The following TDRD12 variants were observed in gnomAD, a reference collection of about 807,000 sequenced individuals.
TDRD12 encodes the protein tudor domain containing 12, also known as putative ATP-dependent RNA helicase TDRD12.
Under a neutral mutation model 133.5 loss-of-function variants are expected in TDRD12, and 158 were observed. The ratio of observed to expected loss-of-function variants is 1.18; its 90% CI spans 1.04 to 1.35. The LOEUF (loss-of-function observed/expected upper bound fraction) is 1.35. Ranked by LOEUF, TDRD12 falls within the 40% of genes most tolerant of loss-of-function variation. The pLI is 0.00. For missense variants in TDRD12, 1,443 were observed against 1,321.3 expected (o/e 1.09, Z -1.43); for synonymous variants, 460 against 477.9 (o/e 0.96, Z 0.49).
intron 26 of TDRD12, 128 bp downstream of exon 26, chr19:32,815,748 C>A: frequency 4.4e-6 from 4 of 916,900 alleles, no homozygotes; most frequent in Non-Finnish European, 6.3e-6. Flanking sequence ...GTAATCCCAG[C>A]ACTTTGGGAG....
At chr19:32,719,932 C>T (rs913866525) in exon 1 of TDRD12, 2 of 1,081,154 alleles carry the variant, frequency 1.8e-6, no homozygotes, top group Non-Finnish European at 2.7e-6. Flanking sequence ...GCACCTGCCG[C>T]GGGGGGCCCA....
chr19:32,819,742 G>A (rs1023646538), intron 27 of TDRD12, among the ~76,000 whole-genome samples: 4 of 152,224 alleles, frequency 2.6e-5, no homozygotes, highest in Non-Finnish European at 5.9e-5. Context: ...GAGAGGGAAT[G>A]GCGAGAATAT....
chr19:32,744,199 G>GT (rs1969521260), intron 4 of TDRD12, among the ~76,000 whole-genome samples: 1 of 151,678 alleles, frequency 6.6e-6, no homozygotes, highest in Admixed American at 6.6e-5. Flanking sequence ...GTACAGTCCC[G>GT]TAAGTATATG....
chr19:32,723,667 CA>C (rs11417872), intron 1 of TDRD12, among the ~76,000 whole-genome samples: 3,799 of 98,428 alleles, frequency 0.039, 70 homozygotes, highest in South Asian at 0.082. Flanking sequence ...CTGAGTCTAC[CA>C]AAAAAAAAAA....
chr19:32,737,101 C>T (rs1027103172), intron 2 of TDRD12, among the ~76,000 whole-genome samples: 1 of 152,080 alleles, frequency 6.6e-6, no homozygotes, highest in African/African-American at 2.4e-5. Context: ...GAATACTGCA[C>T]ATTATGTAAA....
In TDRD12 at chr19:32,760,049, T is replaced by G. The variant is rs1970108316; in HGVS notation, c.865+2919T>G. 3.9e-5 allele frequency among the ~76,000 whole-genome samples: 6 copies of G among 152,386 alleles called. No individual in the cohort carries two copies. The South Asian group carries it at 1.2e-3, about 32-fold the overall frequency. On this transcript the variant is annotated intron_variant, in intron 8 of 27. Transcript: ENST00000444215. ...ACCTGTTGTTGATGGGCATGTATTC[T>G]TTCCATTTATATTCTTTTTCCATTG... is the stretch of plus-strand genomic sequence containing the variant.
At chr19:32,814,277 C>T (rs921441755) in intron 25 of TDRD12, among the ~76,000 whole-genome samples, 1 of 152,128 alleles carries the variant, frequency 6.6e-6, no homozygotes, top group Non-Finnish European at 1.5e-5. Context: ...CACGGGCCTC[C>T]GTGTCTCTCC....
At chr19:32,824,949 C>A (rs745576793), downstream of TDRD12, among the ~76,000 whole-genome samples, 1 of 152,208 alleles carries the variant, frequency 6.6e-6, no homozygotes, top group South Asian at 2.1e-4. Flanking sequence ...TGGCCGCTTG[C>A]TCCCAGAAGC....
intron 20 of TDRD12, 26 bp downstream of exon 20, chr19:32,802,815 A>G (rs1568487568): frequency 5.9e-6 from 9 of 1,536,148 alleles, no homozygotes; most frequent in Non-Finnish European, 6.1e-6. Flanking sequence ...ATTCTCTTCC[A>G]TATTCCACTG....
At chr19:32,762,698 T>C (rs977817430) in intron 8 of TDRD12, among the ~76,000 whole-genome samples, 4 of 152,276 alleles carry the variant, frequency 2.6e-5, no homozygotes, top group Non-Finnish European at 2.9e-5. Context: ...TCTGATTTAG[T>C]TGGAGATGAA....
chr19:32,772,751 A>G lies in TDRD12; in HGVS notation c.866-2A>G. 6.7e-7 allele frequency: 1 copy of G among 1,489,832 alleles called. No homozygotes were observed. 92.3% of individuals were successfully genotyped at this position (1,489,832 alleles called of 1,614,324 possible). A position where few individuals can be genotyped will look rare whatever the true frequency, so the allele number is the denominator to read the frequency against. ...TTTTTTATTACCATTTTTATTTTGC[A>G]GACAAAGCTGTAAAATGTAATATGG... On this transcript the variant is annotated splice_acceptor_variant, in intron 8 of 27. Coordinates refer to ENST00000444215, the Ensembl canonical transcript of TDRD12. LOFTEE classifies it high-confidence loss of function.
rs779840370 is a variant in TDRD12 at position 32,770,685 on chromosome 19, G to A, written c.866-2068G>A. On this transcript the variant is annotated intron_variant, in intron 8 of 27. Transcript: ENST00000444215. ...TCTTTATTAGCTGAAATAAACATGG[G>A]CAAGTTATTTCACCTTTCTGTGCTT... Among the ~76,000 whole-genome samples, 166 of 152,224 alleles carry A rather than the reference G, an allele frequency of 1.1e-3. 2 individuals carry two copies. Among genetic ancestry groups the A allele is most frequent in the Admixed American group, 3.7e-3 (57 of 15,292 alleles).
chr19:32,724,149 C>T (rs1360475620), intron 1 of TDRD12, among the ~76,000 whole-genome samples: 1 of 152,180 alleles, frequency 6.6e-6, no homozygotes, highest in Non-Finnish European at 1.5e-5. Flanking sequence ...GAATGAGCCA[C>T]CACTCCCAGC....
At chr19:32,795,264 C>T (rs904297528) in intron 14 of TDRD12, among the ~76,000 whole-genome samples, 11 of 145,546 alleles carry the variant, frequency 7.6e-5, no homozygotes, top group Admixed American at 2.9e-4. Context: ...ACCTGGGAGG[C>T]GAAGGTTGCA....
intron 4 of TDRD12, among the ~76,000 whole-genome samples, chr19:32,743,403 C>T (rs891691134): frequency 1.3e-5 from 2 of 150,870 alleles, no homozygotes; most frequent in Non-Finnish European, 3.0e-5. Context: ...CCGCTCTCCT[C>T]CCCTGCTCCC....
downstream of TDRD12, among the ~76,000 whole-genome samples, chr19:32,822,064 TG>T (rs1193720837): frequency 6.6e-6 from 1 of 152,122 alleles, no homozygotes; most frequent in African/African-American, 2.4e-5. Flanking sequence ...GAGGTTGCAG[TG>T]AGCCAAGATC....
rs1021920436 is a variant in TDRD12 at position 32,757,006 on chromosome 19, G to A, written c.773-32G>A. On this transcript the variant is annotated intron_variant, in intron 7 of 27. Transcript: ENST00000444215. Reference sequence around the variant, plus strand: ...ATTTTTATTTTGGGCTTTATTTCATGCTTTAATTCTGAAATTTATTCTTTC... The same window carrying A: ...ATTTTTATTTTGGGCTTTATTTCATACTTTAATTCTGAAATTTATTCTTTC... 17 of 1,514,644 alleles carry A rather than the reference G, an allele frequency of 1.1e-5. No homozygotes were observed. The Admixed American group carries it at 2.9e-4, about 26-fold the overall frequency. 93.8% of individuals were successfully genotyped at this position (1,514,644 alleles called of 1,614,324 possible).
chr19:32,811,076 T>A lies in TDRD12; in HGVS notation c.2838-134T>A. The A allele has an allele frequency of 8.8e-6, 6 of 680,396 alleles. No individual in the cohort carries two copies. In the South Asian group the frequency reaches 1.3e-4, roughly 15 times the overall value. The allele number at this position is 680,396 out of a possible 1,614,324, so 42.1% of individuals were successfully genotyped here. A position where few individuals can be genotyped will look rare whatever the true frequency, so the allele number is the denominator to read the frequency against. ...CACTTGAATTTTTGAAGGCCTTAGT[T>A]TTTTATTTCTAGTATAGAGTAAAAT... On this transcript the variant is annotated intron_variant, in intron 23 of 27. Transcript: ENST00000444215.
chr19:32,818,147 G>C (rs117126503), exon 27 of TDRD12: 14 of 702,040 alleles, frequency 2.0e-5, no homozygotes, highest in African/African-American at 5.2e-5. Context: ...CGAGGAGCAG[G>C]GGGGGCAGGG....
Sources: gnomAD v4.1 joint callset for allele counts (sites outside exome capture counted in the v4.1 genomes callset) on GRCh38, gnomAD v4.1.1 for gene constraint, MANE v1.5 for transcripts, NCBI Gene and HGNC (gene_info 2026-07-23, HGNC 2026-07-21) for gene names.